SFXN2: variants seen among roughly 807,000 people sequenced by gnomAD.
The protein encoded by SFXN2 is sideroflexin 2.
Under a neutral mutation model 41.9 loss-of-function variants are expected in SFXN2, and 37 were observed. The observed-to-expected ratio is 0.88, with a 90% CI of 0.68 to 1.16. SFXN2 has a LOEUF of 1.16. SFXN2 is among the 50% of genes most tolerant of loss of function. SFXN2 has a pLI of 0.00. For missense variants in SFXN2, 386 were observed against 425.2 expected (o/e 0.91, Z 0.81); for synonymous variants, 150 against 156.7 (o/e 0.96, Z 0.32).
rs771917159 is a variant in SFXN2, at chr10:102,726,683, A to T, written c.47A>T (p.Asp16Val). The change falls in exon 2 of 12, where the codon GAC (aspartate) becomes GTC (valine). Residue 16 changes from aspartate to valine, a missense_variant. Physicochemically the swap from Asp to Val is radical, Grantham distance 152. Transcript: ENST00000369893. ...TTTAACATCGATGCCCCCCGTTGGG[A>T]CCAGCGCACCTTCCTGGGGAGAGTG... is the stretch of plus-strand genomic sequence containing the variant. ...SGFNIDAPRW[D>V]QRTFLGRVKH... 1 of 1,614,126 alleles carries T rather than the reference A, an allele frequency of 6.2e-7. No homozygotes were observed. Among genetic ancestry groups the T allele is most frequent in the Admixed American group, 1.7e-5 (1 of 60,012 alleles).
intron 1 of SFXN2, among the ~76,000 whole-genome samples, chr10:102,721,548 G>GTA: frequency 6.9e-6 from 1 of 145,724 alleles, no homozygotes; most frequent in Admixed American, 6.9e-5. Flanking sequence ...ATAAATAAAT[G>GTA]TATATATAAA....
Position 102,718,660 on chromosome 10 carries a change from T to C in SFXN2, c.-26+3979T>C, listed in dbSNP as rs1357337257. Among the ~76,000 whole-genome samples, 4 of 152,350 alleles carry C rather than the reference T, an allele frequency of 2.6e-5. No individual in the cohort carries two copies. The East Asian group carries it at 7.7e-4, about 29-fold the overall frequency. ...GATACTCCATATTGAGCCTCTCCTC[T>C]TGTTCCTGGTCTTTCCTCTTAGGAA... On this transcript the variant is annotated intron_variant, in intron 1 of 11. Transcript: ENST00000369893.
intron 10 of SFXN2, among the ~76,000 whole-genome samples, chr10:102,735,476 C>T (rs1428596125): frequency 1.3e-5 from 2 of 150,316 alleles, no homozygotes; most frequent in Admixed American, 6.6e-5. Context: ...CCCTCCATGT[C>T]GCTCTTCCCC....
In SFXN2 at chr10:102,738,812, A is replaced by G. The variant is rs1285544356; in HGVS notation, c.*1050A>G. ...AAGATAAGTCCACTAACTGTGAGTA[A>G]AAATGATATATATAGGCATTAACCA... is the stretch of plus-strand genomic sequence containing the variant. On this transcript the variant is annotated 3_prime_UTR_variant, in exon 12 of 12. Coordinates refer to ENST00000369893, the MANE Select transcript of SFXN2 (RefSeq NM_178858.6). 6.6e-6 allele frequency: 1 copy of G among 152,642 alleles called. No homozygotes were observed. The allele number at this position is 152,642 out of a possible 1,614,324, so 9.5% of individuals were successfully genotyped here. A position where few individuals can be genotyped will look rare whatever the true frequency, so the allele number is the denominator to read the frequency against.
At chr10:102,724,711 A>AG in intron 1 of SFXN2, among the ~76,000 whole-genome samples, 1 of 152,240 alleles carries the variant, frequency 6.6e-6, no homozygotes, top group Middle Eastern at 3.4e-3. Context: ...AAAAAAAAAA[A>AG]GATTTTCCAT....
chr10:102,735,353 T>C (rs976080725), intron 10 of SFXN2, among the ~76,000 whole-genome samples: 6 of 146,050 alleles, frequency 4.1e-5, no homozygotes, highest in Admixed American at 4.1e-4. Context: ...TCCAAGTCAT[T>C]CTTCCCTCTC....
chr10:102,722,622 C>T (rs987682463), intron 1 of SFXN2, among the ~76,000 whole-genome samples: 1 of 152,064 alleles, frequency 6.6e-6, no homozygotes, highest in African/African-American at 2.4e-5. Flanking sequence ...GCAGGCTTAG[C>T]CTTAGCCTCC....
At position 102,740,644 on chromosome 10, in the gene SFXN2, A is replaced by G. The variant is rs1224363391; in HGVS notation, c.*2882A>G. On this transcript the variant is annotated 3_prime_UTR_variant, in exon 12 of 12. Transcript: ENST00000369893. ...CTTTAGAGATTTGCGTATTCTGAAC[A>G]TTTCATGTAAGTGGAGTAATGCAGT... 2 of 152,206 alleles carry G rather than the reference A, an allele frequency of 1.3e-5. No individual in the cohort carries two copies. The highest frequency in any genetic ancestry group is 2.9e-5 in the Non-Finnish European group (2 of 68,050). The allele number at this position is 152,206 out of a possible 1,614,324, so 9.4% of individuals were successfully genotyped here.
chr10:102,729,476 T>C (rs2064667353), intron 5 of SFXN2, 82 bp downstream of exon 5: 3 of 1,500,494 alleles, frequency 2.0e-6, no homozygotes, highest in Non-Finnish European at 2.7e-6. Context: ...CCAGGGACAG[T>C]TCCCCAGGCT....
chr10:102,718,748 A>G (rs922790639), intron 1 of SFXN2, among the ~76,000 whole-genome samples: 3 of 151,968 alleles, frequency 2.0e-5, no homozygotes, highest in Admixed American at 6.6e-5. Context: ...AAATCTAAAA[A>G]TTGACCACTG....
intron 1 of SFXN2, among the ~76,000 whole-genome samples, chr10:102,715,496 C>T (rs2064395901): frequency 6.6e-6 from 1 of 152,094 alleles, no homozygotes; most frequent in African/African-American, 2.4e-5. Flanking sequence ...ATCCCTTTCC[C>T]GATGCAGAGG....
rs968890987 is a variant in SFXN2, at chr10:102,735,716, CAGG to C, written c.822-139_822-137del. The C allele has an allele frequency of 1.1e-5, 9 of 790,646 alleles. No individual in the cohort carries two copies. The African/African-American group carries it at 1.5e-4, about 13-fold the overall frequency. The allele number at this position is 790,646 out of a possible 1,614,324, so 49.0% of individuals were successfully genotyped here. ...AATGAGTATCCTCGCACTGCGGGAA[CAGG>C]AGGAGGGTTGGAGGGAGAGGATATG... On this transcript the variant is annotated intron_variant, in intron 10 of 11. Coordinates refer to ENST00000369893, the MANE Select transcript of SFXN2 (RefSeq NM_178858.6).
At chr10:102,716,562 C>CTTTTTTTTTT (rs567284795) in intron 1 of SFXN2, 2 of 87,962 alleles carry the variant, frequency 2.3e-5, no homozygotes, top group Non-Finnish European at 4.2e-5. Flanking sequence ...TCTTTCTTTC[C>CTTTTTTTTTT]TTTTTTTTTT....
At chr10:102,717,408 G>A (rs144125267) in intron 1 of SFXN2, among the ~76,000 whole-genome samples, 2,160 of 152,262 alleles carry the variant, frequency 0.014, 26 homozygotes, top group Middle Eastern at 0.034. Context: ...GATTACAGGC[G>A]TGAGCCACTG....
At chr10:102,732,074 A>G (rs2064712469) in intron 7 of SFXN2, 78 bp from the exon 8 acceptor site, 1 of 1,386,336 alleles carries the variant, frequency 7.2e-7, no homozygotes, top group Non-Finnish European at 1.0e-6. Context: ...CTTGGCCATG[A>G]TGCTGACCCA....
rs71471251 is a variant in SFXN2, at chr10:102,734,803, G to T, written c.822-1059G>T. ...GGGATACCAACCCAGGTCTGTCAGA[G>T]TCCCGCGTCCTGTAAGACCTTGCCT... On this transcript the variant is annotated intron_variant, in intron 10 of 11. Transcript: ENST00000369893. The surrounding 1 kb of genome is among the most constrained non-coding windows in gnomAD (Gnocchi z 4.1). 3.8e-3 allele frequency among the ~76,000 whole-genome samples: 584 copies of T among 152,238 alleles called. 5 individuals are homozygous for T. Among genetic ancestry groups the T allele is most frequent in the Non-Finnish European group, 5.5e-3 (374 of 68,004 alleles).
chr10:102,732,248 G>A (rs1186950154), intron 8 of SFXN2, 30 bp downstream of exon 8: 4 of 1,603,090 alleles, frequency 2.5e-6, no homozygotes, highest in Non-Finnish European at 3.4e-6. Context: ...CCATCCTGGG[G>A]AAGCCTGTGA....
rs1842787727 is a variant in SFXN2, at chr10:102,741,803, G to T, written c.*4041G>T. On this transcript the variant is annotated 3_prime_UTR_variant, in exon 12 of 12. Transcript: ENST00000369893. ...GACCTTGTGCCATGAAAATAATTTG[G>T]TCCTTCCCTAGTACTCAATTTTTAC... 6.6e-6 allele frequency: 1 copy of T among 152,222 alleles called. No homozygotes were observed. The highest frequency in any genetic ancestry group is 1.5e-5 in the Non-Finnish European group (1 of 68,050). The allele number at this position is 152,222 out of a possible 1,614,324, so 9.4% of individuals were successfully genotyped here.
intron 6 of SFXN2, among the ~76,000 whole-genome samples, chr10:102,731,282 A>G (rs2064700549): frequency 7.3e-6 from 1 of 136,368 alleles, no homozygotes; most frequent in Non-Finnish European, 1.6e-5. Flanking sequence ...AAAAAAAAAA[A>G]AAAAGGAATA....
Sources: allele counts gnomAD v4.1 joint callset (sites outside exome capture counted in the v4.1 genomes callset), GRCh38; gene constraint gnomAD v4.1.1; non-coding constraint Gnocchi (gnomAD v3.1); transcripts MANE v1.5; gene names NCBI Gene and HGNC (gene_info 2026-07-23, HGNC 2026-07-21).